The following CRB1 variants were observed in gnomAD, a reference collection of about 807,000 sequenced individuals.
CRB1 encodes the protein crumbs cell polarity complex component 1, also known as protein crumbs homolog 1.
CRB1 carries 83 observed loss-of-function variants against 120.0 expected under a neutral mutation model. The ratio of observed to expected loss-of-function variants is 0.69; its 90% CI spans 0.58 to 0.83. The LOEUF is 0.83. Among genes scored for constraint, CRB1 ranks in the 40% least tolerant of loss-of-function variants. The probability of loss-of-function intolerance (pLI) is 0.00; values close to 1 mark genes in which losing one functional copy is unlikely to be tolerated. For synonymous variants in CRB1, 625 were observed against 612.5 expected, an observed-to-expected ratio of 1.02 and a Z score of -0.30; for missense variants, 1,699 against 1,687.6, an observed-to-expected ratio of 1.01 and a Z score of -0.12.
chr1:197,441,033 G>T (rs966950484), intron 10 of CRB1: 17 of 152,176 alleles, frequency 1.1e-4, no homozygotes, highest in African/African-American at 4.1e-4. Context: ...TTTATACCTT[G>T]GGCTGGCCTT....
intron 11 of CRB1, among the ~76,000 whole-genome samples, chr1:197,475,163 G>A (rs930296105): frequency 1.3e-5 from 2 of 152,170 alleles, no homozygotes; most frequent in African/African-American, 4.8e-5. Context: ...ATATGAAGGA[G>A]AGATGGAGTA....
At chr1:197,269,503 G>A (rs537425705) in intron 1 of CRB1, among the ~76,000 whole-genome samples, 32 of 152,156 alleles carry the variant, frequency 2.1e-4, no homozygotes, top group African/African-American at 7.5e-4. Context: ...TGACTGCAAC[G>A]CACACTCACA....
chr1:197,436,007 A>T (rs1274901998), intron 9 of CRB1, among the ~76,000 whole-genome samples: 1 of 152,100 alleles, frequency 6.6e-6, no homozygotes, highest in Non-Finnish European at 1.5e-5. Flanking sequence ...GAGCTATTTC[A>T]GGCAGGTAAA....
chr1:197,217,198 C>T, the CRB1 span, among the ~76,000 whole-genome samples: 3 of 152,042 alleles, frequency 2.0e-5, no homozygotes, highest in South Asian at 2.1e-4. Context: ...CCATTTCATA[C>T]CTACTAAGAT....
At chr1:197,452,315 T>C (rs1666012798) in intron 11 of CRB1, among the ~76,000 whole-genome samples, 1 of 152,192 alleles carries the variant, frequency 6.6e-6, no homozygotes, top group African/African-American at 2.4e-5. Context: ...ATTTTAAAGC[T>C]ACAAATTTAT....
At chr1:197,252,291 CAT>C in the CRB1 span, among the ~76,000 whole-genome samples, 1 of 151,038 alleles carries the variant, frequency 6.6e-6, no homozygotes, top group Admixed American at 6.6e-5. Context: ...CATTTAAAAA[CAT>C]AAAAACCTAT....
intron 5 of CRB1, among the ~76,000 whole-genome samples, chr1:197,394,072 A>G (rs1662647111): frequency 6.6e-6 from 1 of 151,932 alleles, no homozygotes; most frequent in East Asian, 1.9e-4. Flanking sequence ...CATGGGTCCA[A>G]CTATATGCAG....
chr1:197,442,132 G>A (rs763083937), intron 10 of CRB1, 34 bp from the exon 11 acceptor site: 1 of 1,613,762 alleles, frequency 6.2e-7, no homozygotes, highest in African/African-American at 1.3e-5. Flanking sequence ...ATTCAACAGG[G>A]ACCTGGGTTT....
At chr1:197,278,275 A>T (rs1558024826) in intron 1 of CRB1, among the ~76,000 whole-genome samples, 1 of 151,932 alleles carries the variant, frequency 6.6e-6, no homozygotes, top group Non-Finnish European at 1.5e-5. Context: ...ATGTGAGGAC[A>T]TATGGAGAAG....
At chr1:197,390,857 C>T (rs1662471156) in intron 5 of CRB1, among the ~76,000 whole-genome samples, 1 of 151,898 alleles carries the variant, frequency 6.6e-6, no homozygotes, top group African/African-American at 2.4e-5. Flanking sequence ...TTAAAACTTC[C>T]ATTTCTAGCC....
At chr1:197,284,016 TG>T (rs1655684319) in intron 1 of CRB1, among the ~76,000 whole-genome samples, 1 of 151,904 alleles carries the variant, frequency 6.6e-6, no homozygotes. Flanking sequence ...TTATAAGCTA[TG>T]TGGGTTTGAA....
rs1467747174 is a variant in CRB1 at position 197,423,101 on chromosome 1, T to C, written c.2128+1145T>C. Reference sequence around the variant, plus strand: ...GAAATTATGCTGAGGCAATGTTCACTTTTTGAAGAAAAATTTAATTGACCT... The same window carrying C: ...GAAATTATGCTGAGGCAATGTTCACCTTTTGAAGAAAAATTTAATTGACCT... On this transcript the variant is annotated intron_variant, in intron 6 of 11. Coordinates refer to ENST00000367400, the MANE Select transcript of CRB1 (RefSeq NM_201253.3). Among the ~76,000 whole-genome samples, 4 of 152,322 alleles carry C rather than the reference T, an allele frequency of 2.6e-5. No individual in the cohort carries two copies. In the East Asian group the frequency reaches 7.7e-4, roughly 29 times the overall value.
chr1:197,297,039 T>C (rs1656567142), intron 1 of CRB1, among the ~76,000 whole-genome samples: 1 of 152,168 alleles, frequency 6.6e-6, no homozygotes, highest in East Asian at 1.9e-4. Context: ...CTCTTTATTC[T>C]CTAGTCCTAT....
chr1:197,389,919 G>A (rs1156456546), intron 5 of CRB1, among the ~76,000 whole-genome samples: 4 of 151,908 alleles, frequency 2.6e-5, no homozygotes, highest in Admixed American at 6.6e-5. Flanking sequence ...ACCCTGCTGC[G>A]TGCTGAATGA....
intron 1 of CRB1, among the ~76,000 whole-genome samples, chr1:197,279,389 T>C (rs12756151): frequency 6.6e-6 from 1 of 151,906 alleles, no homozygotes; most frequent in Non-Finnish European, 1.5e-5. Flanking sequence ...GTATTGACTG[T>C]ATTTCTACAA....
rs76376008 is a variant in CRB1, at chr1:197,432,282, C to A, written c.2843-2424C>A. On this transcript the variant is annotated intron_variant, in intron 8 of 11. Coordinates refer to ENST00000367400, the MANE Select transcript of CRB1 (RefSeq NM_201253.3). ...GAATTTTGGAGATTTTTTATTTTAACATTTACTTAAAAACATGTAATGAAA... is the reference window on the plus strand; with the variant it reads ...GAATTTTGGAGATTTTTTATTTTAAAATTTACTTAAAAACATGTAATGAAA... 5.4e-3 allele frequency among the ~76,000 whole-genome samples: 815 copies of A among 150,786 alleles called. 9 individuals are homozygous for A. Among genetic ancestry groups the A allele is most frequent in the African/African-American group, 0.019 (762 of 41,168 alleles).
At chr1:197,251,916 G>T in the CRB1 span, among the ~76,000 whole-genome samples, 1 of 151,870 alleles carries the variant, frequency 6.6e-6, no homozygotes, top group Non-Finnish European at 1.5e-5. Flanking sequence ...TTCCTTATTT[G>T]GGATCTTTGT....
chr1:197,319,131 T>C (rs1658024473), intron 1 of CRB1, among the ~76,000 whole-genome samples: 1 of 151,064 alleles, frequency 6.6e-6, no homozygotes, highest in African/African-American at 2.4e-5. Flanking sequence ...AAAGGTATAT[T>C]ATTGGGAAAT....
At chr1:197,227,294 C>T in the CRB1 span, among the ~76,000 whole-genome samples, 1 of 152,004 alleles carries the variant, frequency 6.6e-6, no homozygotes, top group Non-Finnish European at 1.5e-5. Context: ...TGTGTAAGTA[C>T]AGCCATTCCA....
Sources: gnomAD v4.1 joint callset for allele counts (sites outside exome capture counted in the v4.1 genomes callset) on GRCh38, gnomAD v4.1.1 for gene constraint, MANE v1.5 for transcripts, NCBI Gene and HGNC (gene_info 2026-07-23, HGNC 2026-07-21) for gene names.